The following AP3B1 variants were observed in gnomAD, a reference collection of about 807,000 sequenced individuals.
The protein encoded by AP3B1 is adaptor related protein complex 3 subunit beta 1, also known as AP-3 complex subunit beta-1.
AP3B1 carries 61 observed loss-of-function variants against 132.5 expected under a neutral mutation model. The ratio of observed to expected loss-of-function variants is 0.46; its 90% confidence interval spans 0.37 to 0.57. The LOEUF is 0.57. AP3B1 is among the 20% of genes least tolerant of loss of function. AP3B1 has a pLI of 0.00. For missense variants in AP3B1, 1,120 were observed against 1,289.4 expected, an observed-to-expected ratio of 0.87 and a Z score of 2.01; for synonymous variants, 388 against 438.3, an observed-to-expected ratio of 0.89 and a Z score of 1.43.
At chr5:78,207,257 CAAAAAA>C (rs35228759) in intron 7 of AP3B1, among the ~76,000 whole-genome samples, 4 of 116,138 alleles carry the variant, frequency 3.4e-5, no homozygotes, top group African/African-American at 9.9e-5. Context: ...GACTCAGTGT[CAAAAAA>C]AAAAAAAAAA....
At chr5:78,276,529 C>T (rs1748782061) in intron 1 of AP3B1, among the ~76,000 whole-genome samples, 1 of 152,026 alleles carries the variant, frequency 6.6e-6, no homozygotes, top group Admixed American at 6.6e-5. Context: ...CTCAGCAGTT[C>T]AAGACCAGCC....
chr5:78,175,300 T>C (rs1323510399), intron 11 of AP3B1, among the ~76,000 whole-genome samples: 1 of 152,194 alleles, frequency 6.6e-6, no homozygotes, highest in African/African-American at 2.4e-5. Context: ...ATCTTCTGTG[T>C]CAATCATGGT....
At chr5:78,114,962 A>G (rs966296307) in intron 18 of AP3B1, among the ~76,000 whole-genome samples, 2 of 152,172 alleles carry the variant, frequency 1.3e-5, no homozygotes, top group Non-Finnish European at 2.9e-5. Context: ...GGATAACACT[A>G]GTTACTTTTC....
At chr5:78,071,035 T>A (rs1749517729) in intron 22 of AP3B1, among the ~76,000 whole-genome samples, 1 of 152,240 alleles carries the variant, frequency 6.6e-6, no homozygotes, top group Non-Finnish European at 1.5e-5. Context: ...AAATACCATT[T>A]GACCCACCAA....
At chr5:78,183,623 ACT>A (rs1187623798) in intron 7 of AP3B1, among the ~76,000 whole-genome samples, 19 of 152,300 alleles carry the variant, frequency 1.2e-4, no homozygotes, top group African/African-American at 4.6e-4. Flanking sequence ...TCATCCCAGC[ACT>A]CTGGGAGGCC....
At chr5:78,106,910 T>A (rs1266216514) in intron 20 of AP3B1, among the ~76,000 whole-genome samples, 1 of 152,150 alleles carries the variant, frequency 6.6e-6, no homozygotes, top group African/African-American at 2.4e-5. Context: ...TCTAAAAATT[T>A]GGTATGAATT....
chr5:78,134,282 T>C (rs1230375602), intron 15 of AP3B1, among the ~76,000 whole-genome samples: 1 of 151,794 alleles, frequency 6.6e-6, no homozygotes, highest in Non-Finnish European at 1.5e-5. Flanking sequence ...ACTAAAAAGG[T>C]CTCTTAAAAT....
At chr5:78,280,825 A>T (rs1749017597) in intron 1 of AP3B1, among the ~76,000 whole-genome samples, 3 of 152,152 alleles carry the variant, frequency 2.0e-5, no homozygotes, top group South Asian at 2.1e-4. Context: ...AAATCTCAAT[A>T]AAAAAATTAG....
At chr5:78,116,776 C>A (rs1227273298) in intron 17 of AP3B1, among the ~76,000 whole-genome samples, 2 of 152,100 alleles carry the variant, frequency 1.3e-5, no homozygotes. Context: ...GTCTGACCCA[C>A]CCTTCTCTCC....
At chr5:78,240,080 C>T (rs75153340) in intron 3 of AP3B1, among the ~76,000 whole-genome samples, 5,391 of 152,290 alleles carry the variant, frequency 0.035, 168 homozygotes, top group East Asian at 0.13. Flanking sequence ...CTCACACTTG[C>T]CCGTGCAAGA....
chr5:78,289,819 C>T (rs189770313), intron 1 of AP3B1, among the ~76,000 whole-genome samples: 57 of 152,296 alleles, frequency 3.7e-4, no homozygotes, highest in African/African-American at 1.3e-3. Flanking sequence ...AAAGTCTTCC[C>T]TGGGTGATTT....
intron 2 of AP3B1, among the ~76,000 whole-genome samples, chr5:78,255,724 C>T (rs1747819772): frequency 6.6e-6 from 1 of 152,036 alleles, no homozygotes; most frequent in South Asian, 2.1e-4. Context: ...ACTTAATCTG[C>T]ACTATAGACA....
intron 22 of AP3B1, among the ~76,000 whole-genome samples, chr5:78,087,098 T>C (rs1379680840): frequency 6.6e-6 from 1 of 152,168 alleles, no homozygotes; most frequent in Non-Finnish European, 1.5e-5. Context: ...TTACATATCA[T>C]TGAAAATATT....
chr5:78,182,114 A>G (rs181041732), intron 7 of AP3B1, among the ~76,000 whole-genome samples: 5 of 152,344 alleles, frequency 3.3e-5, no homozygotes, highest in Admixed American at 2.0e-4. Context: ...TGTGACACGA[A>G]AAAACTAGTG....
rs1743448846 is a variant in AP3B1 at position 78,162,943 on chromosome 5, C to T, written c.1239G>A (p.Val413=). The part of the protein sequence containing the change: ...STLLREFQTY[V]KSQDKQFAAA... ...CTGCAAATTGTTTATCCTGGCTTTT[C>T]ACATAGGTCTAAAAGATATTATTTC... Residue 413 remains valine (V), a synonymous_variant, in exon 13 of 27, where the codon GTG becomes GTA. Coordinates refer to ENST00000255194, the MANE Select transcript of AP3B1 (RefSeq NM_003664.5). 2 of 1,613,662 alleles carry T rather than the reference C, an allele frequency of 1.2e-6. No homozygotes were observed. The highest frequency in any genetic ancestry group is 1.7e-6 in the Non-Finnish European group (2 of 1,179,678).
Position 78,248,041 on chromosome 5 carries a change from C to T in AP3B1, c.205-7105G>A, listed in dbSNP as rs547897661. 2.9e-3 allele frequency among the ~76,000 whole-genome samples: 448 copies of T among 152,220 alleles called. 1 individual carries two copies. Among genetic ancestry groups the T allele is most frequent in the Non-Finnish European group, 4.7e-3 (319 of 68,022 alleles). On this transcript the variant is annotated intron_variant, in intron 2 of 26. Coordinates refer to ENST00000255194, the MANE Select transcript of AP3B1 (RefSeq NM_003664.5). ...TCATAGGCATAATCTATAGCAATAGCGGTTTAAATGAATCTCCTTTGTGCT... is the reference window on the plus strand; with the variant it reads ...TCATAGGCATAATCTATAGCAATAGTGGTTTAAATGAATCTCCTTTGTGCT...
intron 3 of AP3B1, among the ~76,000 whole-genome samples, chr5:78,235,831 A>G (rs1299462922): frequency 2.0e-5 from 3 of 152,240 alleles, no homozygotes; most frequent in Non-Finnish European, 4.4e-5. Context: ...TTATTTTTGT[A>G]CTATAACCAC....
At chr5:78,274,586 G>C (rs1175732455) in intron 1 of AP3B1, among the ~76,000 whole-genome samples, 3 of 152,010 alleles carry the variant, frequency 2.0e-5, no homozygotes, top group Non-Finnish European at 4.4e-5. Flanking sequence ...GTACAGCATA[G>C]TCAAACTGCT....
intron 1 of AP3B1, among the ~76,000 whole-genome samples, chr5:78,277,098 G>A (rs1347045975): frequency 1.3e-5 from 2 of 152,028 alleles, no homozygotes. Flanking sequence ...TAGCTACCTG[G>A]TATTATTTTC....
Sources: gnomAD v4.1 joint callset for allele counts (sites outside exome capture counted in the v4.1 genomes callset) on GRCh38, gnomAD v4.1.1 for gene constraint, MANE v1.5 for transcripts, NCBI Gene and HGNC (gene_info 2026-07-23, HGNC 2026-07-21) for gene names.